The following SUPT3H variants were observed in gnomAD, a reference collection of about 807,000 sequenced individuals.
SUPT3H encodes transcription initiation protein SPT3 homolog.
A neutral mutation model predicts 44.3 loss-of-function variants in SUPT3H; 44 were observed. That is an observed-to-expected ratio of 0.99 (90% confidence interval 0.78 to 1.28). The LOEUF (loss-of-function observed/expected upper bound fraction) is 1.28. SUPT3H is among the 50% of genes most tolerant of loss of function. The pLI, the probability that SUPT3H is intolerant of heterozygous loss-of-function variation, is 0.00. For synonymous variants in SUPT3H, 124 were observed against 125.6 expected (o/e 0.99, Z 0.09); for missense variants, 380 against 387.1 (o/e 0.98, Z 0.15).
intron 10 of SUPT3H, among the ~76,000 whole-genome samples, chr6:44,862,307 C>G (rs1478859133): frequency 6.6e-6 from 1 of 151,846 alleles, no homozygotes; most frequent in East Asian, 1.9e-4. Flanking sequence ...CTTTTTGGAA[C>G]CCCAAAACCA....
chr6:45,059,889 G>A lies in SUPT3H; in HGVS notation c.187-39257C>T, dbSNP rs115639582. Among the ~76,000 whole-genome samples, 657 of 152,192 alleles carry A rather than the reference G, an allele frequency of 4.3e-3. 2 individuals are homozygous for A. Among genetic ancestry groups the A allele is most frequent in the Non-Finnish European group, 6.5e-3 (444 of 67,996 alleles). ...AATACCTGGGAATATAGCTAACAAG[G>A]GAAGTGAAGGATCTCTTTGAGGAGA... On this transcript the variant is annotated intron_variant, in intron 3 of 10. Transcript: ENST00000371459.
chr6:45,021,647 T>C (rs372403266), intron 3 of SUPT3H, among the ~76,000 whole-genome samples: 8 of 152,000 alleles, frequency 5.3e-5, no homozygotes, highest in African/African-American at 1.9e-4. Flanking sequence ...ACCTAACACA[T>C]TTTCTTGAGA....
intron 2 of SUPT3H, among the ~76,000 whole-genome samples, chr6:45,343,887 G>C (rs1282201358): frequency 1.3e-5 from 2 of 152,056 alleles, no homozygotes; most frequent in Non-Finnish European, 2.9e-5. Context: ...TAGAATCTTA[G>C]CCATCAAAGA....
intron 10 of SUPT3H, among the ~76,000 whole-genome samples, chr6:44,884,310 T>C (rs1428793957): frequency 1.3e-5 from 2 of 152,138 alleles, no homozygotes; most frequent in Admixed American, 6.5e-5. Flanking sequence ...TGAGATACCA[T>C]CTCACGCCAG....
chr6:45,285,649 G>A lies in SUPT3H; in HGVS notation c.101+79552C>T, dbSNP rs541672918. On this transcript the variant is annotated intron_variant, in intron 2 of 10. Transcript: ENST00000371459. ...CTCATGGGTAGGAAGAATTAATATC[G>A]TGAAAATGGCCATACTGCCCAAGAT... 2.9e-3 allele frequency among the ~76,000 whole-genome samples: 447 copies of A among 152,188 alleles called. 2 individuals are homozygous for A. Among genetic ancestry groups the A allele is most frequent in the African/African-American group, 7.4e-3 (307 of 41,502 alleles).
intron 9 of SUPT3H, among the ~76,000 whole-genome samples, chr6:44,949,715 C>A (rs1456195715): frequency 2.0e-5 from 3 of 151,902 alleles, no homozygotes; most frequent in Non-Finnish European, 4.4e-5. Flanking sequence ...TATCAGTCAT[C>A]AGAGAAATAC....
intron 2 of SUPT3H, among the ~76,000 whole-genome samples, chr6:45,334,167 T>A (rs929848552): frequency 6.6e-6 from 1 of 151,180 alleles, no homozygotes; most frequent in Non-Finnish European, 1.5e-5. Flanking sequence ...AAAAGGTATA[T>A]CTAAATATCC....
At chr6:44,925,702 G>C (rs1025907266) in intron 10 of SUPT3H, among the ~76,000 whole-genome samples, 1 of 152,084 alleles carries the variant, frequency 6.6e-6, no homozygotes, top group Non-Finnish European at 1.5e-5. Context: ...CACCTTCCCT[G>C]TGACATAAGA....
In SUPT3H at chr6:45,220,396, T is replaced by C. The variant is rs1195068374; in HGVS notation, c.102-114390A>G. The stretch of plus-strand genomic sequence containing the variant: ...ATATCAATTGAGGCAGAAAAAAAAA[T>C]CTGACAAAATCCAACATTATTTCAT... On this transcript the variant is annotated intron_variant, in intron 2 of 10. Transcript: ENST00000371459. Among the ~76,000 whole-genome samples the C allele has an allele frequency of 4.0e-5, 6 of 151,000 alleles. No homozygotes were observed. In the East Asian group the frequency reaches 5.9e-4, roughly 15 times the overall value.
At chr6:45,162,999 G>A (rs1364164993) in intron 2 of SUPT3H, among the ~76,000 whole-genome samples, 1 of 152,084 alleles carries the variant, frequency 6.6e-6, no homozygotes, top group Non-Finnish European at 1.5e-5. Flanking sequence ...TTTTGATAGA[G>A]CACAAGAACA....
chr6:45,320,166 C>G (rs904694797), intron 2 of SUPT3H, among the ~76,000 whole-genome samples: 2 of 152,036 alleles, frequency 1.3e-5, no homozygotes, highest in Non-Finnish European at 2.9e-5. Context: ...TTCAAGAATT[C>G]TATTATAATA....
At chr6:44,996,692 A>G (rs1781317787) in intron 6 of SUPT3H, among the ~76,000 whole-genome samples, 1 of 151,934 alleles carries the variant, frequency 6.6e-6, no homozygotes, top group Non-Finnish European at 1.5e-5. Flanking sequence ...AGTGTATTTG[A>G]CAACATCTTG....
intron 2 of SUPT3H, among the ~76,000 whole-genome samples, chr6:45,313,656 T>TTA (rs1554338540): frequency 4.8e-5 from 7 of 144,702 alleles, no homozygotes; most frequent in African/African-American, 1.5e-4. Context: ...TTAAAAATTA[T>TTA]AAAAAAAAAA....
At chr6:45,284,814 T>A (rs985235297) in intron 2 of SUPT3H, among the ~76,000 whole-genome samples, 6 of 152,116 alleles carry the variant, frequency 3.9e-5, no homozygotes, top group Non-Finnish European at 7.4e-5. Context: ...TAGACCAATA[T>A]CTCTGATGAA....
chr6:44,830,417 A>T (rs1016117291), intron 10 of SUPT3H, among the ~76,000 whole-genome samples: 2 of 152,208 alleles, frequency 1.3e-5, no homozygotes, highest in African/African-American at 4.8e-5. Flanking sequence ...ATATAATTTT[A>T]TATACATACC....
intron 2 of SUPT3H, among the ~76,000 whole-genome samples, chr6:45,203,406 T>C (rs996928271): frequency 2.6e-5 from 4 of 152,182 alleles, no homozygotes; most frequent in African/African-American, 9.6e-5. Context: ...GAGTTGTCTT[T>C]AGTTCCCCAG....
intron 2 of SUPT3H, among the ~76,000 whole-genome samples, chr6:45,243,197 C>CAAAAAAAAAA (rs61643038): frequency 5.5e-5 from 4 of 72,558 alleles, no homozygotes; most frequent in South Asian, 1.3e-3. Flanking sequence ...GACTCCTTCT[C>CAAAAAAAAAA]AAAAAAAAAA....
In SUPT3H at chr6:44,870,841, G is replaced by A. The variant is rs367946366; in HGVS notation, c.913-40984C>T. ...CGAGGCATTCCCTCACCTGGGAAGCGCAAGGGGTCAGGGAGTTCCCTTTCC... is the reference window on the plus strand; with the variant it reads ...CGAGGCATTCCCTCACCTGGGAAGCACAAGGGGTCAGGGAGTTCCCTTTCC... On this transcript the variant is annotated intron_variant, in intron 10 of 10. Transcript: ENST00000371459. 6.9e-3 allele frequency among the ~76,000 whole-genome samples: 1,047 copies of A among 151,842 alleles called. 7 individuals are homozygous for A. The highest frequency in any genetic ancestry group is 0.013 in the Admixed American group (200 of 15,266).
chr6:45,339,798 T>C (rs919258551), intron 2 of SUPT3H, among the ~76,000 whole-genome samples: 2 of 152,186 alleles, frequency 1.3e-5, no homozygotes, highest in South Asian at 2.1e-4. Flanking sequence ...TTTTGAAAAA[T>C]CAATGTAACT....
Sources: gnomAD v4.1 joint callset for allele counts (sites outside exome capture counted in the v4.1 genomes callset) on GRCh38, gnomAD v4.1.1 for gene constraint, MANE v1.5 for transcripts, NCBI Gene and HGNC (gene_info 2026-07-23, HGNC 2026-07-21) for gene names.